Variants in ADGRL3 observed in about 807,000 individuals in gnomAD.
ADGRL3 encodes adhesion G protein-coupled receptor L3, also known as calcium-independent alpha-latrotoxin receptor 3.
Under a neutral mutation model 153.5 loss-of-function variants are expected in ADGRL3, and 62 were observed. That is an observed-to-expected ratio of 0.40 (90% confidence interval 0.33 to 0.50). The LOEUF (loss-of-function observed/expected upper bound fraction) is 0.50. Among genes scored for constraint, ADGRL3 ranks in the 20% least tolerant of loss-of-function variants. ADGRL3 has a pLI of 0.47. For missense variants in ADGRL3, 1,641 were observed against 1,859.4 expected (o/e 0.88, Z 2.16); for synonymous variants, 710 against 672.5 (o/e 1.06, Z -0.86).
At chr4:61,916,863 G>A (rs1347288237) in intron 13 of ADGRL3, among the ~76,000 whole-genome samples, 2 of 152,006 alleles carry the variant, frequency 1.3e-5, no homozygotes. Context: ...TGAGGCAGGA[G>A]AATTGCTTAA....
intron 1 of ADGRL3, among the ~76,000 whole-genome samples, chr4:61,301,330 A>T (rs577930791): frequency 7.9e-5 from 12 of 152,324 alleles, no homozygotes; most frequent in Non-Finnish European, 1.3e-4. Flanking sequence ...GAAGATTGGG[A>T]ATTTAAAATA....
chr4:61,998,010 G>C (rs2099127706), intron 20 of ADGRL3, among the ~76,000 whole-genome samples, 164 bp from the exon 21 acceptor site: 1 of 152,122 alleles, frequency 6.6e-6, no homozygotes, highest in South Asian at 2.1e-4. Flanking sequence ...CTCGAAACTG[G>C]CTTATTGCCT....
chr4:61,947,593 G>T (rs1211984337), intron 16 of ADGRL3, among the ~76,000 whole-genome samples: 2 of 152,218 alleles, frequency 1.3e-5, no homozygotes, highest in East Asian at 3.9e-4. Flanking sequence ...ACATTATGTT[G>T]CATACCTTAA....
At chr4:61,243,674 A>G (rs1285012626) in intron 1 of ADGRL3, among the ~76,000 whole-genome samples, 1 of 152,038 alleles carries the variant, frequency 6.6e-6, no homozygotes, top group Admixed American at 6.6e-5. Flanking sequence ...TTTGTTTGGA[A>G]GAAAAACTAC....
chr4:61,243,719 C>T (rs771291299), intron 1 of ADGRL3, among the ~76,000 whole-genome samples: 3 of 151,940 alleles, frequency 2.0e-5, no homozygotes, highest in Non-Finnish European at 4.4e-5. Context: ...CCTTCAAAGA[C>T]ATTTAAAAGG....
rs757740508 is a variant in ADGRL3 at position 61,947,001 on chromosome 4, C to G, written c.2507C>G (p.Ala836Gly). The change falls in exon 16 of 27, where the codon GCT becomes GGT. Residue 836 changes from alanine (A) to glycine (G), a missense_variant. Ala to Gly is a moderately conservative substitution (Grantham distance 60). Around this residue, in one of 5 missense-constraint regions of ADGRL3, gnomAD observed 734 missense variants for 797.0 expected, o/e 0.92. Transcript: ENST00000683033. ...GCCAGTATGAAGTTGGGAACGGAAGCTTTGTCCACAAATCATTCTGTTATT... is the reference window on the plus strand; with the variant it reads ...GCCAGTATGAAGTTGGGAACGGAAGGTTTGTCCACAAATCATTCTGTTATT... ...ENASMKLGTE[A>G]LSTNHSVIVN... The G allele has an allele frequency of 6.2e-7, 1 of 1,613,756 alleles. No individual in the cohort carries two copies. Among genetic ancestry groups the G allele is most frequent in the Admixed American group, 1.7e-5 (1 of 60,016 alleles).
intron 1 of ADGRL3, among the ~76,000 whole-genome samples, chr4:61,277,882 G>A (rs1466834457): frequency 6.6e-6 from 1 of 152,096 alleles, no homozygotes; most frequent in Non-Finnish European, 1.5e-5. Context: ...ATTAGGAGTG[G>A]CCACTTAACT....
At chr4:61,749,170 A>T (rs2096716905) in intron 8 of ADGRL3, among the ~76,000 whole-genome samples, 1 of 152,108 alleles carries the variant, frequency 6.6e-6, no homozygotes, top group African/African-American at 2.4e-5. Flanking sequence ...ATACCATCTC[A>T]CACCAGTTAG....
intron 1 of ADGRL3, among the ~76,000 whole-genome samples, chr4:61,275,494 A>G (rs1245359874): frequency 6.6e-6 from 1 of 152,222 alleles, no homozygotes; most frequent in Non-Finnish European, 1.5e-5. Context: ...TAATCAACAT[A>G]CTATCTGAAG....
chr4:61,257,495 T>C (rs2149517007), intron 1 of ADGRL3, among the ~76,000 whole-genome samples: 1 of 152,268 alleles, frequency 6.6e-6, no homozygotes, highest in Admixed American at 6.5e-5. Context: ...GTGAACCTAT[T>C]TGTTTAAGTC....
intron 10 of ADGRL3, among the ~76,000 whole-genome samples, 182 bp from the exon 11 acceptor site, chr4:61,895,549 G>A (rs1414416078): frequency 1.3e-5 from 2 of 152,084 alleles, no homozygotes; most frequent in African/African-American, 2.4e-5. Flanking sequence ...CATATTGTAT[G>A]TTTTTGTTTG....
At chr4:61,811,727 G>A (rs867050185) in intron 8 of ADGRL3, among the ~76,000 whole-genome samples, 1 of 152,012 alleles carries the variant, frequency 6.6e-6, no homozygotes, top group Middle Eastern at 3.4e-3. Context: ...AAATGTAATC[G>A]AAACTAATTC....
intron 2 of ADGRL3, among the ~76,000 whole-genome samples, chr4:61,459,826 T>TAAA (rs2097789798): frequency 6.6e-6 from 1 of 152,128 alleles, no homozygotes; most frequent in African/African-American, 2.4e-5. Flanking sequence ...TTTCTTCTTG[T>TAAA]AGTGCAACTG....
rs564143916 is a variant in ADGRL3, at chr4:61,664,595, T to C, written c.474-12231T>C. ...GGTCAATAAAGGAAGAGTTGCCTCATTTTAATGTCTTTCTAAGATCACATA... is the reference window on the plus strand; with the variant it reads ...GGTCAATAAAGGAAGAGTTGCCTCACTTTAATGTCTTTCTAAGATCACATA... On this transcript the variant is annotated intron_variant, in intron 5 of 26. Transcript: ENST00000683033. Among the ~76,000 whole-genome samples, 16 of 152,304 alleles carry C rather than the reference T, an allele frequency of 1.1e-4. No homozygotes were observed. The South Asian group carries it at 3.1e-3, about 30-fold the overall frequency.
intron 5 of ADGRL3, among the ~76,000 whole-genome samples, chr4:61,653,895 A>T (rs77453573): frequency 0.014 from 2,192 of 152,232 alleles, 21 homozygotes; most frequent in Non-Finnish European, 0.021. Context: ...CCAGAGAAAA[A>T]TCCAGGTGTT....
At chr4:61,892,583 T>C in intron 9 of ADGRL3, 73 bp from the exon 10 acceptor site, 1 of 1,063,552 alleles carries the variant, frequency 9.4e-7, no homozygotes, top group South Asian at 1.4e-5. Context: ...AAACAATTTC[T>C]AAAGTACTAG....
chr4:61,438,454 A>G (rs936528059), intron 2 of ADGRL3, among the ~76,000 whole-genome samples: 4 of 151,520 alleles, frequency 2.6e-5, no homozygotes, highest in Non-Finnish European at 4.4e-5. Context: ...GCTGTGATGA[A>G]GGAAGTACTT....
At chr4:61,697,958 G>A (rs893273534) in intron 6 of ADGRL3, among the ~76,000 whole-genome samples, 1 of 152,068 alleles carries the variant, frequency 6.6e-6, no homozygotes, top group Non-Finnish European at 1.5e-5. Flanking sequence ...TAACTCTCAA[G>A]CTATGGGAAA....
At chr4:61,606,039 T>G (rs1372278308) in intron 5 of ADGRL3, among the ~76,000 whole-genome samples, 4 of 152,062 alleles carry the variant, frequency 2.6e-5, no homozygotes, top group Non-Finnish European at 5.9e-5. Flanking sequence ...AATTAAAGTA[T>G]CCCTGGAAGG....
Sources: gnomAD v4.1 joint callset for allele counts (sites outside exome capture counted in the v4.1 genomes callset) on GRCh38, gnomAD v4.1.1 for gene constraint, gnomAD v4.1.1 regional missense constraint, MANE v1.5 for transcripts, NCBI Gene and HGNC (gene_info 2026-07-23, HGNC 2026-07-21) for gene names.